Variants in HDAC11 observed in about 807,000 individuals in gnomAD.
The protein encoded by HDAC11 is histone deacetylase 11.
Under a neutral mutation model 41.1 loss-of-function variants are expected in HDAC11, and 23 were observed. The observed-to-expected ratio is 0.56, with a 90% CI of 0.40 to 0.79. The LOEUF (loss-of-function observed/expected upper bound fraction) is 0.79. Ranked by LOEUF, HDAC11 falls within the 30% of genes least tolerant of loss-of-function variation. The probability of loss-of-function intolerance (pLI) is 0.00; values close to 1 mark genes in which losing one functional copy is unlikely to be tolerated. For missense variants in HDAC11, 402 were observed against 477.3 expected (o/e 0.84, Z 1.47); for synonymous variants, 187 against 186.6 (o/e 1.00, Z -0.02).
At position 13,496,855 on chromosome 3, in the gene HDAC11, AGGTGG is replaced by A; in HGVS notation, c.369+11_369+15del. ...CCCAGACAGGAGGAACCATAATGGT[AGGTGG>A]GGTGGGGGGGCATGGCTGGGCTGGG... On this transcript the variant is annotated splice_donor_5th_base_variant and intron_variant, in intron 4 of 9. Coordinates refer to ENST00000295757, the MANE Select transcript of HDAC11 (RefSeq NM_024827.4). 1.1e-6 allele frequency: 1 copy of A among 910,154 alleles called. No individual in the cohort carries two copies. Among genetic ancestry groups the A allele is most frequent in the Non-Finnish European group, 1.7e-6 (1 of 600,032 alleles). The allele number at this position is 910,154 out of a possible 1,614,324, so 56.4% of individuals were successfully genotyped here. A position where few individuals can be genotyped will look rare whatever the true frequency, so the allele number is the denominator to read the frequency against.
intron 1 of HDAC11, 92 bp from the exon 2 acceptor site, chr3:13,481,154 A>ATGGC: frequency 1.5e-6 from 2 of 1,372,124 alleles, no homozygotes; most frequent in Non-Finnish European, 2.0e-6. Context: ...GTGCTGGGCA[A>ATGGC]TGGCTGGTGG....
chr3:13,499,245 C>T (rs1373690863), intron 5 of HDAC11, among the ~76,000 whole-genome samples: 1 of 152,182 alleles, frequency 6.6e-6, no homozygotes, highest in African/African-American at 2.4e-5. Flanking sequence ...TCTCGGCTCA[C>T]CGCAACCTCC....
intron 3 of HDAC11, 67 bp from the exon 4 acceptor site, chr3:13,496,669 A>C: frequency 3.0e-6 from 3 of 1,006,226 alleles, no homozygotes; most frequent in South Asian, 1.4e-5. Flanking sequence ...TTCCCGGGGA[A>C]CCAATTTCTC....
intron 4 of HDAC11, 143 bp from the exon 5 acceptor site, chr3:13,498,370 C>A: frequency 7.8e-6 from 8 of 1,031,156 alleles, no homozygotes; most frequent in Non-Finnish European, 1.2e-5. Flanking sequence ...GGAGTTCCTT[C>A]TATACCCCTG....
At chr3:13,484,614 C>T (rs1701476927) in intron 3 of HDAC11, among the ~76,000 whole-genome samples, 1 of 152,180 alleles carries the variant, frequency 6.6e-6, no homozygotes, top group African/African-American at 2.4e-5. Context: ...GTAACCTCCG[C>T]CTCCCGGGTT....
chr3:13,497,209 C>T (rs1308423956), intron 4 of HDAC11, among the ~76,000 whole-genome samples: 6 of 151,342 alleles, frequency 4.0e-5, no homozygotes, highest in African/African-American at 9.7e-5. Context: ...AGTAGAGTCT[C>T]GTTCTGTCGC....
chr3:13,486,571 G>GTTTTTTTTTTTTTTTT (rs767002835), intron 3 of HDAC11, among the ~76,000 whole-genome samples: 24 of 83,062 alleles, frequency 2.9e-4, no homozygotes, highest in African/African-American at 1.1e-3. Context: ...ATGTAGAGGT[G>GTTTTTTTTTTTTTTTT]TTTTTTTTTT....
chr3:13,487,479 C>T (rs1330929126), intron 3 of HDAC11, among the ~76,000 whole-genome samples: 3 of 152,176 alleles, frequency 2.0e-5, no homozygotes, highest in African/African-American at 4.8e-5. Context: ...AGGAGCTGGA[C>T]GTTTGCAAGA....
intron 3 of HDAC11, among the ~76,000 whole-genome samples, chr3:13,491,147 C>T (rs1356242050): frequency 3.5e-5 from 5 of 144,772 alleles, no homozygotes; most frequent in East Asian, 2.1e-4. Flanking sequence ...AACATCATAC[C>T]GTCTGTGAAG....
intron 1 of HDAC11, 184 bp from the exon 2 acceptor site, chr3:13,481,062 G>A: frequency 1.6e-6 from 1 of 623,984 alleles, no homozygotes; most frequent in Non-Finnish European, 2.8e-6. Context: ...GTGAGGACTG[G>A]ATTGGAATTG....
chr3:13,483,996 C>T (rs993343726), intron 3 of HDAC11, among the ~76,000 whole-genome samples: 9 of 152,108 alleles, frequency 5.9e-5, no homozygotes, highest in Admixed American at 4.6e-4. Context: ...CTCACTCTGT[C>T]GCCCAGGCTG....
intron 5 of HDAC11, 86 bp from the exon 6 acceptor site, chr3:13,500,627 G>T: frequency 9.2e-7 from 1 of 1,082,238 alleles, no homozygotes. Context: ...CAGGGAGGAT[G>T]CTGGGGGAGG....
At chr3:13,486,267 CAAAAAAA>C (rs76727800) in intron 3 of HDAC11, among the ~76,000 whole-genome samples, 9 of 65,212 alleles carry the variant, frequency 1.4e-4, no homozygotes, top group Non-Finnish European at 2.3e-4. Context: ...AACTCCATCT[CAAAAAAA>C]AAAAAAAAAA....
rs980090353 is a variant in HDAC11 at position 13,505,462 on chromosome 3, A to T, written c.*779A>T. 1 of 153,184 alleles carries T rather than the reference A, an allele frequency of 6.5e-6. No homozygotes were observed. Among genetic ancestry groups the T allele is most frequent in the African/African-American group, 2.4e-5 (1 of 41,430 alleles). The allele number at this position is 153,184 out of a possible 1,614,324, so 9.5% of individuals were successfully genotyped here. On this transcript the variant is annotated 3_prime_UTR_variant, in exon 10 of 10. Transcript: ENST00000295757. ...GGGGGGAGGAATTCTTAGCGCAAGG[A>T]CGGGCCTCAGCCCTGTCGCCTCCAG... is the stretch of plus-strand genomic sequence containing the variant.
intron 3 of HDAC11, among the ~76,000 whole-genome samples, chr3:13,487,034 C>A (rs566787699): frequency 6.6e-6 from 1 of 152,126 alleles, no homozygotes. Flanking sequence ...GAGGCCAGAG[C>A]CCCAGGCCAC....
chr3:13,504,658 C>G lies in HDAC11; in HGVS notation c.1019C>G (p.Pro340Arg). 1 of 1,613,764 alleles carries G rather than the reference C, an allele frequency of 6.2e-7. No individual in the cohort carries two copies. The highest frequency in any genetic ancestry group is 8.5e-7 in the Non-Finnish European group (1 of 1,179,992). ...PSVSAQNSDT[P>R]LLPPAVP ...GTCTCCGCACAGAACTCAGACACACCGCTGCTTCCCCCTGCAGTGCCCTGA... is the reference window on the plus strand; with the variant it reads ...GTCTCCGCACAGAACTCAGACACACGGCTGCTTCCCCCTGCAGTGCCCTGA... Residue 340 changes from proline (P) to arginine (R), a missense_variant, in exon 10 of 10, where the codon CCG becomes CGG. Coordinates refer to ENST00000295757, the MANE Select transcript of HDAC11 (RefSeq NM_024827.4).
Position 13,504,845 on chromosome 3 carries a change from T to C in HDAC11, c.*162T>C. 1.5e-6 allele frequency: 1 copy of C among 676,656 alleles called. No homozygotes were observed. The highest frequency in any genetic ancestry group is 2.5e-6 in the Non-Finnish European group (1 of 395,174). The allele number at this position is 676,656 out of a possible 1,614,324, so 41.9% of individuals were successfully genotyped here. A position where few individuals can be genotyped will look rare whatever the true frequency, so the allele number is the denominator to read the frequency against. ...TGGCCCTTCCTCTACTTTTCCCTGC[T>C]GGAAGCCAGAAGGGCTTGAGGCCTC... On this transcript the variant is annotated 3_prime_UTR_variant, in exon 10 of 10. Coordinates refer to ENST00000295757, the MANE Select transcript of HDAC11 (RefSeq NM_024827.4).
At chr3:13,500,651 G>A in intron 5 of HDAC11, 62 bp from the exon 6 acceptor site, 1 of 1,322,378 alleles carries the variant, frequency 7.6e-7, no homozygotes, top group Non-Finnish European at 1.1e-6. Context: ...AGGGATGGAG[G>A]AGCTCCTGGA....
Position 13,505,162 on chromosome 3 carries a change from A to G in HDAC11, c.*479A>G. 4.8e-6 allele frequency: 1 copy of G among 207,998 alleles called. No individual in the cohort carries two copies. Among genetic ancestry groups the G allele is most frequent in the Non-Finnish European group, 9.9e-6 (1 of 101,410 alleles). The allele number at this position is 207,998 out of a possible 1,614,324, so 12.9% of individuals were successfully genotyped here. ...CTCTTTGCCCCAGAGCTGAAGAGCT[A>G]TAGGCACTGGTGTGGATGGCCCAGG... On this transcript the variant is annotated 3_prime_UTR_variant, in exon 10 of 10. Transcript: ENST00000295757.
Sources: gnomAD v4.1 joint callset for allele counts (sites outside exome capture counted in the v4.1 genomes callset) on GRCh38, gnomAD v4.1.1 for gene constraint, MANE v1.5 for transcripts, NCBI Gene and HGNC (gene_info 2026-07-23, HGNC 2026-07-21) for gene names.